ARID1B: variants seen among roughly 807,000 people sequenced by gnomAD.
ARID1B encodes AT-rich interactive domain-containing protein 1B.
A neutral mutation model predicts 212.3 loss-of-function variants in ARID1B; 30 were observed. The ratio of observed to expected loss-of-function variants is 0.14; its 90% CI spans 0.11 to 0.19. The LOEUF (loss-of-function observed/expected upper bound fraction) is 0.19. ARID1B is among the 10% of genes least tolerant of loss of function. The pLI is 1.00. For synonymous variants in ARID1B, 1,402 were observed against 1,301.7 expected (o/e 1.08, Z -1.66); for missense variants, 2,891 against 3,204.0 (o/e 0.90, Z 2.36).
In ARID1B at chr6:157,207,538, G is replaced by A. The variant is rs2128398415; in HGVS notation, c.6766G>A (p.Ala2256Thr). 1.2e-6 allele frequency: 2 copies of A among 1,614,156 alleles called. No individual in the cohort carries two copies. Among genetic ancestry groups the A allele is most frequent in the Non-Finnish European group, 1.7e-6 (2 of 1,180,030 alleles). Residue 2256 changes from alanine (A) to threonine (T), a missense_variant, in exon 20 of 20, where the codon GCG (alanine) becomes ACG (threonine). By Grantham distance (58) the Ala-to-Thr change is moderately conservative. Around this residue, in one of 7 missense-constraint regions of ARID1B, gnomAD observed 187 missense variants for 306.5 expected, o/e 0.61. Transcript: ENST00000636930. The surrounding 1 kb of genome is among the most constrained non-coding windows in gnomAD (Gnocchi z 8.5). Reference protein sequence around the residue: ...KNPVCREMSMALLSNLAQGDA... With the variant: ...KNPVCREMSMTLLSNLAQGDA... ...CCCAGTCTGTCGAGAAATGTCCATG[G>A]CGCTTTTATCGAACCTTGCCCAAGG...
At chr6:157,004,042 AAC>A (rs772414113) in intron 4 of ARID1B, among the ~76,000 whole-genome samples, 23 of 152,032 alleles carry the variant, frequency 1.5e-4, no homozygotes, top group Non-Finnish European at 2.9e-4. Context: ...AAAACAAACA[AAC>A]ACAAATAAAA....
At chr6:156,814,222 C>A (rs1041725321) in intron 1 of ARID1B, among the ~76,000 whole-genome samples, 1 of 152,116 alleles carries the variant, frequency 6.6e-6, no homozygotes, top group Non-Finnish European at 1.5e-5. Context: ...TCCAGACCAA[C>A]CTGGGCAACA....
intron 4 of ARID1B, among the ~76,000 whole-genome samples, chr6:157,070,702 A>G (rs186833812): frequency 2.6e-5 from 4 of 151,898 alleles, no homozygotes; most frequent in Admixed American, 1.3e-4. Flanking sequence ...TTACTTACTT[A>G]TTTTCTTAGT....
intron 8 of ARID1B, chr6:157,150,135 T>G (rs1259404286): frequency 6.6e-6 from 1 of 152,210 alleles, no homozygotes; most frequent in African/African-American, 2.4e-5. Context: ...TTTAAATGAA[T>G]TGTCCATTGT....
At chr6:156,795,000 C>T (rs556947497) in intron 1 of ARID1B, among the ~76,000 whole-genome samples, 1 of 152,312 alleles carries the variant, frequency 6.6e-6, no homozygotes, top group African/African-American at 2.4e-5. Flanking sequence ...ATTTTCTGAT[C>T]ACATCACCAG....
rs557319853 is a variant in ARID1B, at chr6:156,897,299, A to C, written c.1987-4077A>C. On this transcript the variant is annotated intron_variant, in intron 2 of 19. Coordinates refer to ENST00000636930, the MANE Select transcript of ARID1B (RefSeq NM_001374828.1). The stretch of plus-strand genomic sequence containing the variant: ...TTATTATTATTATTATTTGAGACAG[A>C]GTCTTGCCCTGTCGCCCAGGCTGGA... 6.7e-3 allele frequency among the ~76,000 whole-genome samples: 479 copies of C among 71,140 alleles called. 4 individuals are homozygous for C. The highest frequency in any genetic ancestry group is 0.021 in the African/African-American group (446 of 21,550). The allele number at this position is 71,140 out of a possible 152,430, so 46.7% of individuals were successfully genotyped here.
intron 4 of ARID1B, among the ~76,000 whole-genome samples, chr6:157,049,548 T>A (rs749653800): frequency 5.3e-5 from 8 of 152,242 alleles, no homozygotes; most frequent in Non-Finnish European, 1.2e-4. Flanking sequence ...AGAAGCCATG[T>A]ACATTTTTAT....
intron 11 of ARID1B, among the ~76,000 whole-genome samples, chr6:157,180,580 T>A (rs1255857348): frequency 3.9e-5 from 6 of 152,186 alleles, no homozygotes; most frequent in African/African-American, 1.4e-4. Context: ...GGCTCTATAA[T>A]ATCACATGTA....
intron 1 of ARID1B, among the ~76,000 whole-genome samples, chr6:156,822,044 A>G (rs775633076): frequency 1.3e-5 from 2 of 151,356 alleles, no homozygotes; most frequent in African/African-American, 2.4e-5. Context: ...GGGTTTCACC[A>G]TGTTGGCCAG....
At chr6:157,044,105 A>G (rs922478003) in intron 4 of ARID1B, among the ~76,000 whole-genome samples, 1 of 152,236 alleles carries the variant, frequency 6.6e-6, no homozygotes, top group Non-Finnish European at 1.5e-5. Flanking sequence ...AAGTTTGGAT[A>G]TAATTGTATG....
chr6:157,038,168 T>A (rs1168476225), intron 4 of ARID1B, among the ~76,000 whole-genome samples: 1 of 152,184 alleles, frequency 6.6e-6, no homozygotes, highest in Non-Finnish European at 1.5e-5. Flanking sequence ...TCTGATTTCA[T>A]TTTCATATAG....
chr6:157,197,945 T>C (rs1408371347), intron 16 of ARID1B, among the ~76,000 whole-genome samples: 1 of 152,242 alleles, frequency 6.6e-6, no homozygotes, highest in Non-Finnish European at 1.5e-5. Flanking sequence ...TCACATGTGA[T>C]AGTCTAAAAA....
intron 4 of ARID1B, among the ~76,000 whole-genome samples, chr6:157,021,124 GA>G (rs1360116300): frequency 6.6e-6 from 1 of 152,132 alleles, no homozygotes; most frequent in Non-Finnish European, 1.5e-5. Flanking sequence ...GAGAGAGGGG[GA>G]TTTTAGAGAG....
chr6:157,132,219 C>T (rs1788602767), intron 6 of ARID1B, among the ~76,000 whole-genome samples: 1 of 152,034 alleles, frequency 6.6e-6, no homozygotes, highest in African/African-American at 2.4e-5. Flanking sequence ...TATGTCGGAG[C>T]GGAGTCACCA....
intron 4 of ARID1B, among the ~76,000 whole-genome samples, chr6:157,031,209 G>A (rs1397317068): frequency 6.6e-6 from 1 of 152,088 alleles, no homozygotes; most frequent in East Asian, 1.9e-4. Flanking sequence ...AGTTTAAATT[G>A]TCATAAATCC....
intron 11 of ARID1B, among the ~76,000 whole-genome samples, chr6:157,178,012 T>G (rs985629506): frequency 1.3e-5 from 2 of 152,210 alleles, no homozygotes; most frequent in Non-Finnish European, 2.9e-5. Context: ...AGTCTTTAAT[T>G]GCGCTCTGTT....
chr6:156,848,082 T>A (rs1055763406), intron 2 of ARID1B, among the ~76,000 whole-genome samples: 1 of 152,360 alleles, frequency 6.6e-6, no homozygotes, highest in East Asian at 1.9e-4. Context: ...GCAGAAAATA[T>A]AACTAATGTC....
chr6:157,056,581 T>A (rs1159890399), intron 4 of ARID1B, among the ~76,000 whole-genome samples: 1 of 152,178 alleles, frequency 6.6e-6, no homozygotes, highest in Non-Finnish European at 1.5e-5. Flanking sequence ...GTTTTTATGA[T>A]CTCAGTTTCT....
intron 6 of ARID1B, among the ~76,000 whole-genome samples, chr6:157,118,214 A>G (rs1787459773): frequency 6.6e-6 from 1 of 152,220 alleles, no homozygotes; most frequent in East Asian, 1.9e-4. Context: ...ATAATTGTTA[A>G]GGAGTTGGAA....
Sources: gnomAD v4.1 joint callset for allele counts (sites outside exome capture counted in the v4.1 genomes callset) on GRCh38, gnomAD v4.1.1 for gene constraint, gnomAD v4.1.1 regional missense constraint, Gnocchi (gnomAD v3.1) non-coding constraint, MANE v1.5 for transcripts, NCBI Gene and HGNC (gene_info 2026-07-23, HGNC 2026-07-21) for gene names.